CCDC141: variants seen among roughly 807,000 people sequenced by gnomAD.
CCDC141 encodes the protein coiled-coil domain containing 141.
In CCDC141, 168 loss-of-function variants were observed where a neutral mutation model predicts 181.0. The observed-to-expected ratio is 0.93, with a 90% CI of 0.82 to 1.05. The LOEUF (loss-of-function observed/expected upper bound fraction) is 1.05. CCDC141 is among the 50% of genes least tolerant of loss of function. The probability of loss-of-function intolerance (pLI) is 0.00; values close to 1 mark genes in which losing one functional copy is unlikely to be tolerated. For synonymous variants in CCDC141, 666 were observed against 642.3 expected, an observed-to-expected ratio of 1.04 and a Z score of -0.56; for missense variants, 1,902 against 1,788.5, an observed-to-expected ratio of 1.06 and a Z score of -1.14.
intron 2 of CCDC141, among the ~76,000 whole-genome samples, chr2:179,001,205 T>C (rs1403200595): frequency 2.0e-5 from 3 of 152,188 alleles, no homozygotes; most frequent in East Asian, 3.8e-4. Flanking sequence ...TGGTAGCATA[T>C]ATTAAATATT....
chr2:178,940,698 C>T (rs926735155), intron 6 of CCDC141, among the ~76,000 whole-genome samples: 1 of 152,298 alleles, frequency 6.6e-6, no homozygotes, highest in East Asian at 1.9e-4. Context: ...TTCTTCACAA[C>T]GTAAAAGACT....
intron 5 of CCDC141, among the ~76,000 whole-genome samples, chr2:178,948,979 T>C (rs1474223388): frequency 6.6e-6 from 1 of 152,198 alleles, no homozygotes; most frequent in Non-Finnish European, 1.5e-5. Context: ...ATTCATTGGC[T>C]GAGTAAAGGA....
At chr2:178,851,698 G>A (rs1052941113) in intron 20 of CCDC141, among the ~76,000 whole-genome samples, 1 of 152,162 alleles carries the variant, frequency 6.6e-6, no homozygotes, top group African/African-American at 2.4e-5. Context: ...ATTTTGTTAC[G>A]GCAGCCCTAG....
intron 23 of CCDC141, chr2:178,836,509 T>C (rs1357191575): frequency 6.1e-6 from 1 of 162,686 alleles, no homozygotes; most frequent in African/African-American, 2.4e-5. Context: ...AACAAATTCT[T>C]ATATTTTCAA....
chr2:178,903,905 A>C (rs1687834285), intron 8 of CCDC141, among the ~76,000 whole-genome samples: 1 of 152,096 alleles, frequency 6.6e-6, no homozygotes, highest in Non-Finnish European at 1.5e-5. Context: ...ACCATTTTGA[A>C]ATTATAACTG....
chr2:178,973,004 C>T (rs544492284), intron 4 of CCDC141, among the ~76,000 whole-genome samples: 248 of 152,284 alleles, frequency 1.6e-3, no homozygotes, highest in African/African-American at 5.6e-3. Context: ...ATGTTTTGTA[C>T]TACTCAACTG....
chr2:178,949,807 A>G (rs1335431427), intron 5 of CCDC141, among the ~76,000 whole-genome samples: 1 of 152,196 alleles, frequency 6.6e-6, no homozygotes, highest in East Asian at 1.9e-4. Context: ...TGTGCCAAAG[A>G]CAGGACTGAA....
At chr2:178,880,079 A>T (rs1686526754) in intron 11 of CCDC141, among the ~76,000 whole-genome samples, 1 of 152,216 alleles carries the variant, frequency 6.6e-6, no homozygotes, top group Non-Finnish European at 1.5e-5. Context: ...GGGCTTCAAT[A>T]AGATCATCCA....
At chr2:178,893,044 T>G (rs1687230746) in intron 8 of CCDC141, among the ~76,000 whole-genome samples, 1 of 152,182 alleles carries the variant, frequency 6.6e-6, no homozygotes, top group Non-Finnish European at 1.5e-5. Flanking sequence ...AGAGGATGCC[T>G]GTCTGTAGTG....
chr2:178,866,426 A>G (rs909887511), intron 16 of CCDC141, among the ~76,000 whole-genome samples: 11 of 152,254 alleles, frequency 7.2e-5, no homozygotes, highest in South Asian at 2.1e-4. Flanking sequence ...ATGTACTAAT[A>G]AAATAAACTC....
chr2:178,956,151 C>G (rs1690153125), intron 5 of CCDC141, among the ~76,000 whole-genome samples: 1 of 152,136 alleles, frequency 6.6e-6, no homozygotes, highest in Non-Finnish European at 1.5e-5. Flanking sequence ...TGAACCCAGC[C>G]AACAGTCTGG....
intron 21 of CCDC141, among the ~76,000 whole-genome samples, chr2:178,848,931 T>G (rs981657405): frequency 2.0e-5 from 3 of 152,138 alleles, no homozygotes; most frequent in Non-Finnish European, 4.4e-5. Flanking sequence ...TCAAACCTGA[T>G]TGTAGAATTT....
the CCDC141 span, among the ~76,000 whole-genome samples, chr2:178,819,167 T>C: frequency 5.8e-4 from 88 of 152,204 alleles, no homozygotes; most frequent in African/African-American, 1.8e-3. Flanking sequence ...TAGCCATTGA[T>C]TGCAAGTGTA....
intron 3 of CCDC141, among the ~76,000 whole-genome samples, chr2:178,977,825 C>G (rs901523746): frequency 2.9e-4 from 44 of 152,086 alleles, no homozygotes; most frequent in African/African-American, 1.1e-3. Flanking sequence ...AAATATAACA[C>G]CTCTTTTGAT....
At chr2:178,825,408 T>C (rs1351589680), downstream of CCDC141, 1 of 152,188 alleles carries the variant, frequency 6.6e-6, no homozygotes, top group Non-Finnish European at 1.5e-5. Context: ...AGGACTTCTT[T>C]TATTTTATTT....
intron 11 of CCDC141, among the ~76,000 whole-genome samples, chr2:178,882,925 G>A (rs918360904): frequency 2.0e-5 from 3 of 152,100 alleles, no homozygotes; most frequent in African/African-American, 7.2e-5. Context: ...AGGAAGAAAG[G>A]AAAGCCAGAG....
chr2:178,863,028 G>A (rs919458293), intron 17 of CCDC141, among the ~76,000 whole-genome samples: 4 of 152,164 alleles, frequency 2.6e-5, no homozygotes, highest in Non-Finnish European at 5.9e-5. Flanking sequence ...ATAAAAAAAA[G>A]AAGATATTTA....
In CCDC141 at chr2:178,845,624, AC is replaced by A; in HGVS notation, c.3474+1del. On this transcript the variant is annotated splice_donor_variant, in intron 22 of 23. Coordinates refer to ENST00000443758, the MANE Select transcript of CCDC141 (RefSeq NM_173648.4). LOFTEE classifies it high-confidence loss of function. The stretch of plus-strand genomic sequence containing the variant: ...TAGCTGAGGTTAAGTAGTTTTCTTT[AC>A]CTTATTCCTTTCTTCATTGAATATT... 6.5e-7 allele frequency: 1 copy of A among 1,537,998 alleles called. No individual in the cohort carries two copies. Among genetic ancestry groups the A allele is most frequent in the Non-Finnish European group, 9.0e-7 (1 of 1,111,126 alleles).
chr2:178,992,540 C>G (rs1362550128), intron 2 of CCDC141, among the ~76,000 whole-genome samples: 1 of 152,106 alleles, frequency 6.6e-6, no homozygotes, highest in Non-Finnish European at 1.5e-5. Flanking sequence ...TGCTGTTTCT[C>G]TCTGTAAGAG....
Sources: gnomAD v4.1 joint callset for allele counts (sites outside exome capture counted in the v4.1 genomes callset) on GRCh38, gnomAD v4.1.1 for gene constraint, MANE v1.5 for transcripts, NCBI Gene and HGNC (gene_info 2026-07-23, HGNC 2026-07-21) for gene names.